The following PITPNB variants were observed in gnomAD, a reference collection of about 807,000 sequenced individuals.
PITPNB encodes phosphatidylinositol transfer protein beta isoform.
In PITPNB, 16 loss-of-function variants were observed where a neutral mutation model predicts 45.9. The ratio of observed to expected loss-of-function variants is 0.35; its 90% CI spans 0.24 to 0.53. The LOEUF is 0.53. Among genes scored for constraint, PITPNB ranks in the 20% least tolerant of loss-of-function variants. The pLI is 0.93. For missense variants in PITPNB, 188 were observed against 330.5 expected (o/e 0.57, Z 3.34); for synonymous variants, 112 against 108.9 (o/e 1.03, Z -0.18).
chr22:27,861,097 G>A (rs183651677), intron 8 of PITPNB, among the ~76,000 whole-genome samples: 243 of 151,012 alleles, frequency 1.6e-3, no homozygotes, highest in African/African-American at 5.4e-3. Context: ...TTGGGAGGCC[G>A]AGGTGGGCAG....
At chr22:27,918,838 T>A (rs1040860094) in intron 1 of PITPNB, among the ~76,000 whole-genome samples, 1 of 149,568 alleles carries the variant, frequency 6.7e-6, no homozygotes, top group Admixed American at 6.6e-5. Context: ...GGCCTGGGGG[T>A]GGGCCCAGAC....
rs1934054067 is a variant in PITPNB at position 27,852,686 on chromosome 22, G to C, written c.*1016C>G. 1 of 152,466 alleles carries C rather than the reference G, an allele frequency of 6.6e-6. No individual in the cohort carries two copies. The highest frequency in any genetic ancestry group is 1.5e-5 in the Non-Finnish European group (1 of 68,046). 9.4% of individuals were successfully genotyped at this position (152,466 alleles called of 1,614,324 possible). ...AACTATATCCTATCATGTGAGCTCT[G>C]AGGAATCTAGACCATTTGCATAGTT... is the stretch of plus-strand genomic sequence containing the variant. On this transcript the variant is annotated 3_prime_UTR_variant, in exon 12 of 12. Transcript: ENST00000335272.
chr22:27,867,193 G>A (rs757690641), intron 8 of PITPNB, among the ~76,000 whole-genome samples: 1 of 152,024 alleles, frequency 6.6e-6, no homozygotes, highest in Non-Finnish European at 1.5e-5. Context: ...CCCATATCAA[G>A]GTAAGTCAGA....
chr22:27,904,041 T>C (rs1163848715), intron 3 of PITPNB, among the ~76,000 whole-genome samples: 1 of 152,138 alleles, frequency 6.6e-6, no homozygotes, highest in Non-Finnish European at 1.5e-5. Context: ...TAAAGTGGTG[T>C]AGTTGTTTCG....
At chr22:27,909,207 CTTTTT>C (rs34224616) in intron 3 of PITPNB, among the ~76,000 whole-genome samples, 3 of 82,246 alleles carry the variant, frequency 3.6e-5, no homozygotes, top group African/African-American at 5.0e-5. Flanking sequence ...ACTGGTAGTA[CTTTTT>C]TTTTTTTTTT....
At chr22:27,854,565 A>G (rs1468701529) in intron 11 of PITPNB, among the ~76,000 whole-genome samples, 4 of 152,232 alleles carry the variant, frequency 2.6e-5, no homozygotes, top group African/African-American at 9.6e-5. Context: ...TTGAAAAATC[A>G]GCTGGCTTCC....
At chr22:27,888,269 T>C (rs1935181290) in intron 7 of PITPNB, among the ~76,000 whole-genome samples, 1 of 152,204 alleles carries the variant, frequency 6.6e-6, no homozygotes, top group South Asian at 2.1e-4. Flanking sequence ...AGTTCCCGAT[T>C]GATAAAGAAA....
chr22:27,868,612 G>A (rs978490726), intron 8 of PITPNB, among the ~76,000 whole-genome samples: 1 of 152,180 alleles, frequency 6.6e-6, no homozygotes, highest in African/African-American at 2.4e-5. Context: ...AAACTGAAAG[G>A]CCAAGCTCGG....
intron 8 of PITPNB, among the ~76,000 whole-genome samples, chr22:27,869,552 G>A (rs567588659): frequency 6.6e-6 from 1 of 152,184 alleles, no homozygotes; most frequent in Non-Finnish European, 1.5e-5. Flanking sequence ...AAAGACACGT[G>A]AACCCGGATG....
rs1004379982 is a variant in PITPNB at position 27,852,277 on chromosome 22, A to C, written c.*1425T>G. 6.6e-6 allele frequency: 1 copy of C among 152,214 alleles called. No individual in the cohort carries two copies. Among genetic ancestry groups the C allele is most frequent in the Non-Finnish European group, 1.5e-5 (1 of 68,040 alleles). The allele number at this position is 152,214 out of a possible 1,614,324, so 9.4% of individuals were successfully genotyped here. ...TTTAGGAGGGACAGGAGGTTACAAAAGACAGTTTGTGACCTGAAGGCTTCA... is the reference window on the plus strand; with the variant it reads ...TTTAGGAGGGACAGGAGGTTACAAACGACAGTTTGTGACCTGAAGGCTTCA... On this transcript the variant is annotated 3_prime_UTR_variant, in exon 12 of 12. Coordinates refer to ENST00000335272, the MANE Select transcript of PITPNB (RefSeq NM_012399.5).
chr22:27,895,719 T>C (rs1279600376), intron 6 of PITPNB, among the ~76,000 whole-genome samples: 3 of 152,150 alleles, frequency 2.0e-5, no homozygotes, highest in East Asian at 1.9e-4. Context: ...AGCACCGTAA[T>C]AGAACAGTAA....
At chr22:27,868,392 A>G (rs559880678) in intron 8 of PITPNB, among the ~76,000 whole-genome samples, 2 of 152,312 alleles carry the variant, frequency 1.3e-5, no homozygotes, top group South Asian at 4.1e-4. Context: ...CAGTTTCATT[A>G]TCTTAGGTCA....
intron 1 of PITPNB, among the ~76,000 whole-genome samples, chr22:27,914,738 C>A (rs1417777914): frequency 6.6e-6 from 1 of 152,176 alleles, no homozygotes; most frequent in Non-Finnish European, 1.5e-5. Flanking sequence ...ATATACTGTG[C>A]ATTTTGTTTT....
chr22:27,904,814 G>A (rs1935709872), intron 3 of PITPNB, among the ~76,000 whole-genome samples: 1 of 152,168 alleles, frequency 6.6e-6, no homozygotes, highest in Non-Finnish European at 1.5e-5. Context: ...CAGTTTGTGG[G>A]AAGGGAATAA....
At chr22:27,877,003 A>G (rs1934838993) in intron 7 of PITPNB, among the ~76,000 whole-genome samples, 2 of 152,174 alleles carry the variant, frequency 1.3e-5, no homozygotes. Context: ...AGCCTACTTG[A>G]GTCTTCAGCT....
At chr22:27,891,644 A>T (rs1174470365) in intron 7 of PITPNB, among the ~76,000 whole-genome samples, 5 of 152,122 alleles carry the variant, frequency 3.3e-5, no homozygotes, top group African/African-American at 9.7e-5. Flanking sequence ...ACGGTGAGTG[A>T]GTTCTCACAA....
Position 27,897,867 on chromosome 22 carries a change from T to TC in PITPNB, c.222dup (p.Ile75AspfsTer11). ...AACACCAAGGAGCCCTCGGGAGCAA[T>TC]CATCCTCACGAATGCAGGCACTTTG... On this transcript the variant is annotated frameshift_variant, in exon 4 of 12. Transcript: ENST00000335272. LOFTEE classifies it high-confidence loss of function. 6.2e-7 allele frequency: 1 copy of TC among 1,613,584 alleles called. No individual in the cohort carries two copies. Among genetic ancestry groups the TC allele is most frequent in the Non-Finnish European group, 8.5e-7 (1 of 1,179,548 alleles).
At chr22:27,904,368 A>C (rs1380679517) in intron 3 of PITPNB, among the ~76,000 whole-genome samples, 2 of 152,242 alleles carry the variant, frequency 1.3e-5, no homozygotes, top group African/African-American at 2.4e-5. Context: ...GAAAGAAGTC[A>C]ATCACGGAAG....
intron 3 of PITPNB, among the ~76,000 whole-genome samples, chr22:27,908,579 C>T (rs59807513): frequency 0.036 from 5,515 of 151,870 alleles, 150 homozygotes; most frequent in African/African-American, 0.069. Context: ...ATTTTAGAAC[C>T]CCCAGGAAGA....
Sources: gnomAD v4.1 joint callset for allele counts (sites outside exome capture counted in the v4.1 genomes callset) on GRCh38, gnomAD v4.1.1 for gene constraint, MANE v1.5 for transcripts, NCBI Gene and HGNC (gene_info 2026-07-23, HGNC 2026-07-21) for gene names.